The following SUPT3H variants were observed in gnomAD, a reference collection of about 807,000 sequenced individuals.
The protein encoded by SUPT3H is transcription initiation protein SPT3 homolog.
In SUPT3H, 44 loss-of-function variants were observed where a neutral mutation model predicts 44.3. The ratio of observed to expected loss-of-function variants is 0.99; its 90% CI spans 0.78 to 1.28. SUPT3H has a LOEUF of 1.28. Among genes scored for constraint, SUPT3H ranks in the 50% most tolerant of loss-of-function variants. The pLI, the probability that SUPT3H is intolerant of heterozygous loss-of-function variation, is 0.00. For missense variants in SUPT3H, 380 were observed against 387.1 expected, an observed-to-expected ratio of 0.98 and a Z score of 0.15; for synonymous variants, 124 against 125.6, an observed-to-expected ratio of 0.99 and a Z score of 0.09.
intron 11 of SUPT3H, among the ~76,000 whole-genome samples, chr6:44,818,250 C>G (rs1358092936): frequency 6.7e-6 from 1 of 149,276 alleles, no homozygotes; most frequent in Non-Finnish European, 1.5e-5. Flanking sequence ...ACATCCACAT[C>G]CATATGCAAA....
intron 2 of SUPT3H, among the ~76,000 whole-genome samples, chr6:45,118,995 C>A (rs965232241): frequency 2.6e-5 from 4 of 152,136 alleles, no homozygotes; most frequent in Non-Finnish European, 5.9e-5. Context: ...CTCAGTCACC[C>A]CAGTTATCGT....
intron 3 of SUPT3H, among the ~76,000 whole-genome samples, chr6:45,036,064 T>C (rs972577116): frequency 3.3e-5 from 5 of 152,094 alleles, no homozygotes; most frequent in Admixed American, 2.6e-4. Flanking sequence ...ATATTGAAAA[T>C]CCAACAGAAT....
At chr6:44,969,351 A>G (rs1337641856) in intron 6 of SUPT3H, among the ~76,000 whole-genome samples, 2 of 152,180 alleles carry the variant, frequency 1.3e-5, no homozygotes, top group African/African-American at 4.8e-5. Flanking sequence ...GATAGTATTT[A>G]TCTCTGGAGG....
intron 3 of SUPT3H, among the ~76,000 whole-genome samples, chr6:45,094,944 C>T (rs564103579): frequency 3.3e-5 from 5 of 152,178 alleles, no homozygotes; most frequent in Admixed American, 6.5e-5. Context: ...TGTGACCATA[C>T]GTGTGTGTTT....
intron 2 of SUPT3H, among the ~76,000 whole-genome samples, chr6:45,175,805 G>C (rs1406770804): frequency 6.6e-6 from 1 of 152,080 alleles, no homozygotes; most frequent in African/African-American, 2.4e-5. Flanking sequence ...CTAAAAATAA[G>C]CTTATACTGA....
rs9395057 is a variant in SUPT3H at position 45,011,533 on chromosome 6, T to G, written c.364+3268A>C. The stretch of plus-strand genomic sequence containing the variant: ...ATTTCCTTACCCCAGTACAGCATTA[T>G]TACCACTTACCTCATTCGTGTCATT... On this transcript the variant is annotated intron_variant, in intron 5 of 10. Transcript: ENST00000371459. 2.5e-3 allele frequency among the ~76,000 whole-genome samples: 381 copies of G among 152,194 alleles called. 15 individuals carry two copies. The East Asian group carries it at 0.066, about 26-fold the overall frequency.
intron 9 of SUPT3H, among the ~76,000 whole-genome samples, chr6:44,936,086 G>A (rs1196565599): frequency 6.7e-6 from 1 of 149,410 alleles, no homozygotes; most frequent in Non-Finnish European, 1.5e-5. Context: ...TAGAGCAACT[G>A]AAAGTCTAGT....
At chr6:44,821,952 CTATT>C (rs1242773807), downstream of SUPT3H, among the ~76,000 whole-genome samples, 10 of 152,038 alleles carry the variant, frequency 6.6e-5, no homozygotes, top group Admixed American at 6.6e-4. Context: ...CTTTTGCTAT[CTATT>C]GTTTTTTAAA....
chr6:45,270,618 T>C (rs541528531), intron 2 of SUPT3H, among the ~76,000 whole-genome samples: 1 of 152,350 alleles, frequency 6.6e-6, no homozygotes, highest in East Asian at 1.9e-4. Flanking sequence ...AACCTCTTTC[T>C]TTTGTAAATT....
intron 10 of SUPT3H, among the ~76,000 whole-genome samples, chr6:44,832,780 C>T (rs1769075721): frequency 6.6e-6 from 1 of 152,000 alleles, no homozygotes; most frequent in Non-Finnish European, 1.5e-5. Context: ...GTCAATCTAC[C>T]TGGATAAGCA....
chr6:45,076,410 A>G (rs1359350912), intron 3 of SUPT3H, among the ~76,000 whole-genome samples: 1 of 152,150 alleles, frequency 6.6e-6, no homozygotes, highest in African/African-American at 2.4e-5. Flanking sequence ...CAGAAGACAC[A>G]TACAAGCTCT....
At chr6:45,128,183 G>T (rs1802729248) in intron 2 of SUPT3H, among the ~76,000 whole-genome samples, 3 of 151,946 alleles carry the variant, frequency 2.0e-5, no homozygotes, top group African/African-American at 7.3e-5. Context: ...CACAAAAATA[G>T]CTCACAAGCT....
At chr6:45,167,999 C>T (rs575023792) in intron 2 of SUPT3H, among the ~76,000 whole-genome samples, 3 of 151,754 alleles carry the variant, frequency 2.0e-5, no homozygotes, top group Non-Finnish European at 4.4e-5. Context: ...TTAGTAGAGA[C>T]GGGGTTTCTC....
intron 2 of SUPT3H, among the ~76,000 whole-genome samples, chr6:45,203,924 G>T (rs1041552234): frequency 6.6e-6 from 1 of 152,026 alleles, no homozygotes; most frequent in Non-Finnish European, 1.5e-5. Context: ...CTTTTAAATG[G>T]CAGCTTTCTA....
chr6:44,928,015 C>CAT (rs1248807771), intron 10 of SUPT3H, among the ~76,000 whole-genome samples: 1 of 152,110 alleles, frequency 6.6e-6, no homozygotes, highest in Non-Finnish European at 1.5e-5. Context: ...TTAGTTCTTA[C>CAT]AGTACTTCTT....
At chr6:44,867,264 G>A (rs569920923) in intron 10 of SUPT3H, among the ~76,000 whole-genome samples, 1 of 151,534 alleles carries the variant, frequency 6.6e-6, no homozygotes, top group African/African-American at 2.4e-5. Context: ...TGATTCTCCT[G>A]TCTCAGTCTC....
intron 2 of SUPT3H, among the ~76,000 whole-genome samples, chr6:45,240,503 C>T (rs924712623): frequency 1.3e-5 from 2 of 152,226 alleles, no homozygotes; most frequent in South Asian, 2.1e-4. Context: ...TATAATTAGG[C>T]GTACCGCCCT....
intron 2 of SUPT3H, among the ~76,000 whole-genome samples, chr6:45,221,153 C>T (rs918372665): frequency 5.3e-5 from 8 of 152,106 alleles, no homozygotes; most frequent in African/African-American, 1.9e-4. Flanking sequence ...TGTTCTCACT[C>T]ATAGGTGGGA....
chr6:45,360,758 T>C (rs754793372), intron 2 of SUPT3H, among the ~76,000 whole-genome samples: 33 of 152,126 alleles, frequency 2.2e-4, no homozygotes, highest in Non-Finnish European at 5.9e-5. Flanking sequence ...CATTCTAAAT[T>C]TGAGGTGCTC....
Sources: allele counts gnomAD v4.1 joint callset (sites outside exome capture counted in the v4.1 genomes callset), GRCh38; gene constraint gnomAD v4.1.1; transcripts MANE v1.5; gene names NCBI Gene and HGNC (gene_info 2026-07-23, HGNC 2026-07-21).